The following MCMBP variants were observed in gnomAD, a reference collection of about 807,000 sequenced individuals.
The protein encoded by MCMBP is mini-chromosome maintenance complex-binding protein.
Under a neutral mutation model 81.3 loss-of-function variants are expected in MCMBP, and 31 were observed. The observed-to-expected ratio is 0.38, with a 90% CI of 0.29 to 0.51. MCMBP has a LOEUF of 0.51. Among genes scored for constraint, MCMBP ranks in the 20% least tolerant of loss-of-function variants. The pLI is 0.87. For synonymous variants in MCMBP, 267 were observed against 275.9 expected (o/e 0.97, Z 0.32); for missense variants, 645 against 772.1 (o/e 0.84, Z 1.95).
intron 4 of MCMBP, among the ~76,000 whole-genome samples, chr10:119,858,460 T>C (rs953894745): frequency 2.0e-5 from 3 of 152,140 alleles, no homozygotes; most frequent in African/African-American, 7.2e-5. Flanking sequence ...GGGAATAATA[T>C]ATGACTTTTG....
At chr10:119,838,443 T>C in intron 12 of MCMBP, 92 bp downstream of exon 12, 1 of 1,238,244 alleles carries the variant, frequency 8.1e-7, no homozygotes, top group South Asian at 1.5e-5. Flanking sequence ...TAAATGTGAA[T>C]TTGTCCATAG....
rs1564865721 is a variant in MCMBP, at chr10:119,830,722, G to C, written c.*752C>G. The C allele has an allele frequency of 6.6e-6, 1 of 151,244 alleles. No homozygotes were observed. Among genetic ancestry groups the C allele is most frequent in the Non-Finnish European group, 1.5e-5 (1 of 67,628 alleles). The allele number at this position is 151,244 out of a possible 1,614,324, so 9.4% of individuals were successfully genotyped here. ...CCGTTTAAAGGACTCCTCTTATTCA[G>C]AGATAGATTGTCCTTTCCTTTTATG... On this transcript the variant is annotated 3_prime_UTR_variant, in exon 16 of 16. Transcript: ENST00000369077.
intron 11 of MCMBP, among the ~76,000 whole-genome samples, chr10:119,840,185 G>A (rs1225721304): frequency 6.6e-6 from 1 of 152,174 alleles, no homozygotes; most frequent in Admixed American, 6.5e-5. Context: ...AGAGTGTAAA[G>A]TGAGTCTAAG....
rs1002729599 is a variant in MCMBP, at chr10:119,831,441, G to T, written c.*33C>A. The T allele has an allele frequency of 1.4e-5, 23 of 1,611,058 alleles. No homozygotes were observed. Among genetic ancestry groups the T allele is most frequent in the Non-Finnish European group, 1.9e-5 (22 of 1,178,340 alleles). ...TGAATTTTACAATTATGTGGCTACA[G>T]TTTGCCCATTACTCTTCATAGGTAT... On this transcript the variant is annotated 3_prime_UTR_variant, in exon 16 of 16. Coordinates refer to ENST00000369077, the MANE Select transcript of MCMBP (RefSeq NM_001256378.2).
intron 8 of MCMBP, among the ~76,000 whole-genome samples, chr10:119,845,755 G>A (rs763387898): frequency 4.6e-5 from 7 of 152,168 alleles, no homozygotes; most frequent in Non-Finnish European, 8.8e-5. Flanking sequence ...CTAATTACTA[G>A]GTTTCTGTTT....
At chr10:119,854,153 G>A (rs1852936289) in intron 5 of MCMBP, among the ~76,000 whole-genome samples, 2 of 150,718 alleles carry the variant, frequency 1.3e-5, no homozygotes, top group African/African-American at 2.4e-5. Flanking sequence ...TGATCCTCCC[G>A]TCTCAAGCCA....
chr10:119,864,441 C>T (rs1358307002), intron 1 of MCMBP, among the ~76,000 whole-genome samples: 5 of 151,674 alleles, frequency 3.3e-5, no homozygotes, highest in African/African-American at 1.2e-4. Flanking sequence ...CTTTTCATGC[C>T]TGTACAGTCT....
At chr10:119,851,303 A>G (rs1852817958) in intron 6 of MCMBP, among the ~76,000 whole-genome samples, 1 of 152,242 alleles carries the variant, frequency 6.6e-6, no homozygotes, top group South Asian at 2.1e-4. Context: ...TCAAATGCAT[A>G]AAAAGCCTGC....
intron 14 of MCMBP, 141 bp downstream of exon 14, chr10:119,835,399 A>G: frequency 1.3e-6 from 1 of 749,206 alleles, no homozygotes; most frequent in Non-Finnish European, 2.1e-6. Flanking sequence ...CAAAAAGACA[A>G]TAATGGAGTA....
At chr10:119,841,218 T>C (rs1405662277) in intron 10 of MCMBP, among the ~76,000 whole-genome samples, 1 of 152,226 alleles carries the variant, frequency 6.6e-6, no homozygotes, top group Non-Finnish European at 1.5e-5. Context: ...CGGTAGGTGC[T>C]GTTGTCTTTG....
At chr10:119,836,631 G>A (rs1852250492) in intron 13 of MCMBP, among the ~76,000 whole-genome samples, 1 of 152,198 alleles carries the variant, frequency 6.6e-6, no homozygotes, top group Admixed American at 6.5e-5. Flanking sequence ...ATGCTCAGAT[G>A]TGGGTGTTTC....
chr10:119,869,179 C>T (rs1486183768), intron 1 of MCMBP, among the ~76,000 whole-genome samples: 2 of 152,198 alleles, frequency 1.3e-5, no homozygotes, highest in South Asian at 2.1e-4. Context: ...GGCGCGGTGG[C>T]TCACGCCTAT....
intron 11 of MCMBP, among the ~76,000 whole-genome samples, chr10:119,839,454 T>A: frequency 6.6e-6 from 1 of 152,178 alleles, no homozygotes; most frequent in Non-Finnish European, 1.5e-5. Flanking sequence ...AGAGGAGTTT[T>A]GTGTATTACC....
At chr10:119,861,228 T>TA (rs1323653396) in intron 1 of MCMBP, among the ~76,000 whole-genome samples, 1 of 152,216 alleles carries the variant, frequency 6.6e-6, no homozygotes, top group Non-Finnish European at 1.5e-5. Flanking sequence ...CAAACACGTT[T>TA]ACTTAACTGG....
At chr10:119,872,480 G>A in intron 1 of MCMBP, 47 bp downstream of exon 1, 2 of 1,131,990 alleles carry the variant, frequency 1.8e-6, no homozygotes, top group Non-Finnish European at 2.2e-6. Flanking sequence ...CCGGGGCCCG[G>A]CAAACTCGGC....
chr10:119,873,025 G>C (rs908108996), upstream of MCMBP, among the ~76,000 whole-genome samples: 2 of 151,982 alleles, frequency 1.3e-5, no homozygotes, highest in East Asian at 3.9e-4. Flanking sequence ...AGGCTGCGCA[G>C]CGCGGGGCCC....
At chr10:119,839,550 T>C (rs1227667545) in intron 11 of MCMBP, among the ~76,000 whole-genome samples, 2 of 152,116 alleles carry the variant, frequency 1.3e-5, no homozygotes, top group Admixed American at 1.3e-4. Context: ...CTACCTAAAC[T>C]CTGTGAGGGC....
At chr10:119,842,100 T>C (rs1048641403) in intron 10 of MCMBP, among the ~76,000 whole-genome samples, 1 of 152,140 alleles carries the variant, frequency 6.6e-6, no homozygotes, top group Non-Finnish European at 1.5e-5. Flanking sequence ...TGCACATCTG[T>C]GTGTTCCCTA....
chr10:119,834,239 A>C (rs1267680547), intron 14 of MCMBP, among the ~76,000 whole-genome samples: 1 of 152,222 alleles, frequency 6.6e-6, no homozygotes, highest in Non-Finnish European at 1.5e-5. Context: ...CACCTCCAAG[A>C]AGCTCAACAA....
Sources: gnomAD v4.1 joint callset for allele counts (sites outside exome capture counted in the v4.1 genomes callset) on GRCh38, gnomAD v4.1.1 for gene constraint, MANE v1.5 for transcripts, NCBI Gene and HGNC (gene_info 2026-07-23, HGNC 2026-07-21) for gene names.